CHD9: variants seen among roughly 807,000 people sequenced by gnomAD.
The protein encoded by CHD9 is chromodomain helicase DNA binding protein 9, also known as ATP-dependent chromatin remodeler CHD9.
CHD9 carries 77 observed loss-of-function variants against 316.1 expected under a neutral mutation model. That is an observed-to-expected ratio of 0.24 (90% CI 0.20 to 0.29). The LOEUF is 0.29. Ranked by LOEUF, CHD9 falls within the 10% of genes least tolerant of loss-of-function variation. CHD9 has a pLI of 1.00. For synonymous variants in CHD9, 1,129 were observed against 1,158.3 expected (o/e 0.97, Z 0.51); for missense variants, 2,763 against 3,438.1 (o/e 0.80, Z 4.91).
intron 24 of CHD9, among the ~76,000 whole-genome samples, chr16:53,284,232 T>C (rs2053660828): frequency 6.6e-6 from 1 of 152,130 alleles, no homozygotes. Context: ...TCTCTGGTTA[T>C]TTGAAAGTTG....
At chr16:53,312,907 T>A (rs12598505) in intron 34 of CHD9, among the ~76,000 whole-genome samples, 36,496 of 152,088 alleles carry the variant, frequency 0.24, 4,723 homozygotes, top group Middle Eastern at 0.32. Context: ...CATTTTTCAT[T>A]ATAAACATGT....
At chr16:53,252,265 G>T (rs1020130341) in intron 17 of CHD9, among the ~76,000 whole-genome samples, 2 of 152,136 alleles carry the variant, frequency 1.3e-5, no homozygotes, top group Non-Finnish European at 1.5e-5. Context: ...ACAGCCAACT[G>T]ATCTTTGACA....
intron 2 of CHD9, among the ~76,000 whole-genome samples, chr16:53,189,982 C>T (rs997324053): frequency 4.6e-5 from 7 of 152,132 alleles, no homozygotes; most frequent in Admixed American, 1.3e-4. Context: ...ATCCCTCAAC[C>T]TCTTATTTAA....
rs2057508400 is a variant in CHD9, at chr16:53,325,421, A to G, written c.*526A>G. The stretch of plus-strand genomic sequence containing the variant: ...CTGCTGATGTTTCCAATTCAGGTAC[A>G]AGTATGTTTTAAAGAAGAAATAAGT... On this transcript the variant is annotated 3_prime_UTR_variant, in exon 39 of 39. Coordinates refer to ENST00000447540, the MANE Select transcript of CHD9 (RefSeq NM_001308319.2). 1 of 152,656 alleles carries G rather than the reference A, an allele frequency of 6.6e-6. No homozygotes were observed. The highest frequency in any genetic ancestry group is 1.5e-5 in the Non-Finnish European group (1 of 68,054). 9.5% of individuals were successfully genotyped at this position (152,656 alleles called of 1,614,324 possible).
At chr16:53,160,615 GTCTATTC>G (rs1231276954) in intron 2 of CHD9, among the ~76,000 whole-genome samples, 1 of 151,984 alleles carries the variant, frequency 6.6e-6, no homozygotes, top group Non-Finnish European at 1.5e-5. Flanking sequence ...CTTACTGAAA[GTCTATTC>G]TCGGCCAGGC....
intron 29 of CHD9, 65 bp downstream of exon 29, chr16:53,293,117 C>G: frequency 7.2e-7 from 1 of 1,388,320 alleles, no homozygotes; most frequent in Non-Finnish European, 9.9e-7. Flanking sequence ...TAAAGCCTGT[C>G]TGGGTACAAT....
chr16:53,198,905 T>C (rs2045194790), intron 2 of CHD9, among the ~76,000 whole-genome samples: 2 of 152,216 alleles, frequency 1.3e-5, no homozygotes, highest in Non-Finnish European at 2.9e-5. Context: ...ATGGAATTAT[T>C]GCCAATCCTA....
At chr16:53,096,149 C>T (rs2036360966) in intron 1 of CHD9, among the ~76,000 whole-genome samples, 1 of 151,390 alleles carries the variant, frequency 6.6e-6, no homozygotes, top group Non-Finnish European at 1.5e-5. Flanking sequence ...CCTCAACTTC[C>T]TGGGCTCAAG....
At chr16:53,210,864 A>G (rs932371473) in intron 3 of CHD9, among the ~76,000 whole-genome samples, 4 of 152,076 alleles carry the variant, frequency 2.6e-5, no homozygotes, top group African/African-American at 9.7e-5. Context: ...ATTAAATAAT[A>G]TGGGCTCTCT....
intron 24 of CHD9, among the ~76,000 whole-genome samples, chr16:53,281,355 C>T (rs544674182): frequency 1.3e-5 from 2 of 152,266 alleles, no homozygotes; most frequent in South Asian, 4.1e-4. Context: ...CTTGATTCCT[C>T]TCTTCCCTGT....
intron 22 of CHD9, among the ~76,000 whole-genome samples, chr16:53,268,376 T>C (rs772353643): frequency 2.0e-5 from 3 of 152,210 alleles, no homozygotes; most frequent in Non-Finnish European, 4.4e-5. Context: ...TTTCCGTCTA[T>C]GCTCAGATAG....
intron 21 of CHD9, 45 bp downstream of exon 21, chr16:53,267,535 AATGT>A: frequency 7.5e-7 from 1 of 1,334,190 alleles, no homozygotes; most frequent in South Asian, 1.5e-5. Context: ...TCTGGTATGT[AATGT>A]TACAGAAAAT....
chr16:53,106,645 G>GACAC, intron 1 of CHD9, among the ~76,000 whole-genome samples: 1 of 119,204 alleles, frequency 8.4e-6, no homozygotes, highest in Non-Finnish European at 1.7e-5. Context: ...AACTGCCTCA[G>GACAC]ACACACATAC....
chr16:53,318,613 C>A (rs577563060), intron 37 of CHD9, among the ~76,000 whole-genome samples: 1 of 152,200 alleles, frequency 6.6e-6, no homozygotes, highest in Non-Finnish European at 1.5e-5. Flanking sequence ...AAGGGCACGA[C>A]ATCAAAAACA....
In CHD9 at chr16:53,287,941, G is replaced by A; in HGVS notation, c.5190-16G>A. 6.3e-7 allele frequency: 1 copy of A among 1,592,706 alleles called. No homozygotes were observed. Among genetic ancestry groups the A allele is most frequent in the Non-Finnish European group, 8.6e-7 (1 of 1,160,600 alleles). Reference sequence around the variant, plus strand: ...GTCCATTACAGTAATTATAGCATTTGTTTGTATTTTAACAGGGATGTGGAA... The same window carrying A: ...GTCCATTACAGTAATTATAGCATTTATTTGTATTTTAACAGGGATGTGGAA... On this transcript the variant is annotated splice_polypyrimidine_tract_variant and intron_variant, in intron 26 of 38. Coordinates refer to ENST00000447540, the MANE Select transcript of CHD9 (RefSeq NM_001308319.2).
intron 1 of CHD9, among the ~76,000 whole-genome samples, chr16:53,154,853 CAG>C (rs1360503510): frequency 1.3e-5 from 2 of 152,106 alleles, no homozygotes; most frequent in African/African-American, 4.8e-5. Flanking sequence ...TCATTTGTGA[CAG>C]AGTCAGTAAA....
chr16:53,306,120 T>C (rs773179528), intron 31 of CHD9, 117 bp from the exon 32 acceptor site: 8 of 556,420 alleles, frequency 1.4e-5, no homozygotes, highest in Non-Finnish European at 2.0e-5. Context: ...TTTTATCATT[T>C]GTTTTTACTT....
intron 34 of CHD9, among the ~76,000 whole-genome samples, chr16:53,313,731 A>C (rs2056661171): frequency 6.6e-6 from 1 of 151,936 alleles, no homozygotes; most frequent in African/African-American, 2.4e-5. Flanking sequence ...CCGGTGGATC[A>C]CAAGGTCAGG....
intron 1 of CHD9, among the ~76,000 whole-genome samples, chr16:53,095,310 G>C (rs1049376802): frequency 1.3e-5 from 2 of 152,120 alleles, no homozygotes; most frequent in African/African-American, 4.8e-5. Context: ...CTTTGGGAGG[G>C]GGAGGCAGGA....
Sources: allele counts gnomAD v4.1 joint callset (sites outside exome capture counted in the v4.1 genomes callset), GRCh38; gene constraint gnomAD v4.1.1; transcripts MANE v1.5; gene names NCBI Gene and HGNC (gene_info 2026-07-23, HGNC 2026-07-21).